The following WDR86 variants were observed in gnomAD, a reference collection of about 807,000 sequenced individuals.
WDR86 encodes the protein WD repeat-containing protein 86.
WDR86 carries 30 observed loss-of-function variants against 36.5 expected under a neutral mutation model. That is an observed-to-expected ratio of 0.82 (90% CI 0.61 to 1.11). WDR86 has a LOEUF of 1.11. WDR86 is among the 50% of genes most tolerant of loss of function. The probability of loss-of-function intolerance (pLI) is 0.00; values close to 1 mark genes in which losing one functional copy is unlikely to be tolerated. For synonymous variants in WDR86, 255 were observed against 252.9 expected, an observed-to-expected ratio of 1.01 and a Z score of -0.08; for missense variants, 545 against 561.2, an observed-to-expected ratio of 0.97 and a Z score of 0.29.
chr7:151,378,792 G>A (rs567648976), downstream of WDR86, among the ~76,000 whole-genome samples: 9 of 152,310 alleles, frequency 5.9e-5, no homozygotes, highest in Admixed American at 1.3e-4. Context: ...CTAACAAATC[G>A]CTGTCCTGCG....
chr7:151,405,171 T>C lies in WDR86; in HGVS notation c.163+4256A>G, dbSNP rs1385108587. ...CATCTGCATGGACTTCACAGTGGGC[T>C]CACTCTTATCTAAGACTCCCATTGG... On this transcript the variant is annotated intron_variant, in intron 1 of 5. Transcript: ENST00000334493. The surrounding 1 kb of genome is among the most constrained non-coding windows in gnomAD (Gnocchi z 4.7). 6.6e-6 allele frequency among the ~76,000 whole-genome samples: 1 copy of C among 152,072 alleles called. No homozygotes were observed. The highest frequency in any genetic ancestry group is 2.4e-5 in the African/African-American group (1 of 41,402).
intron 3 of WDR86, among the ~76,000 whole-genome samples, chr7:151,386,698 C>T (rs372736790): frequency 1.3e-5 from 2 of 152,150 alleles, no homozygotes; most frequent in Admixed American, 6.5e-5. Context: ...CTGAGCCTGC[C>T]GGGCACACAG....
chr7:151,402,966 T>G (rs1199664051), intron 1 of WDR86, among the ~76,000 whole-genome samples: 1 of 152,152 alleles, frequency 6.6e-6, no homozygotes, highest in African/African-American at 2.4e-5. Context: ...CCATCAGGGA[T>G]TAGTTCCAGG....
chr7:151,394,224 A>G (rs1421523734), intron 3 of WDR86, among the ~76,000 whole-genome samples: 3 of 152,136 alleles, frequency 2.0e-5, no homozygotes, highest in African/African-American at 4.8e-5. Context: ...AGTTAGAGAC[A>G]TGGGGTTTAC....
chr7:151,380,694 C>G (rs1282446847), downstream of WDR86, among the ~76,000 whole-genome samples: 2 of 152,014 alleles, frequency 1.3e-5, no homozygotes, highest in Non-Finnish European at 2.9e-5. Flanking sequence ...CCCTTGGGTG[C>G]CCGGTGGCTC....
rs1798565640 is a variant in WDR86, at chr7:151,381,557, T to TG, written c.*24dup. On this transcript the variant is annotated 3_prime_UTR_variant, in exon 6 of 6. Transcript: ENST00000334493. This position sits in a 1 kb window ranked among gnomAD's most constrained non-coding sequence, Gnocchi z 4.8. ...TCTGGGAGCCGCTGGGTGTCTGGGCTGGCGTCTGCAGGGGCCCCGCGGGAT... is the reference window on the plus strand; with the variant it reads ...TCTGGGAGCCGCTGGGTGTCTGGGCTGGGCGTCTGCAGGGGCCCCGCGGGAT... 1 of 1,383,554 alleles carries TG rather than the reference T, an allele frequency of 7.2e-7. No individual in the cohort carries two copies. 85.7% of individuals were successfully genotyped at this position (1,383,554 alleles called of 1,614,324 possible). A position where few individuals can be genotyped will look rare whatever the true frequency, so the allele number is the denominator to read the frequency against.
At chr7:151,377,234 C>A, downstream of WDR86, 1 of 1,507,902 alleles carries the variant, frequency 6.6e-7, no homozygotes, top group Admixed American at 2.2e-5. Context: ...AAATAATGAA[C>A]AGAAATAGCG....
Position 151,405,931 on chromosome 7 carries a change from CAGGA to C in WDR86, c.163+3492_163+3495del, listed in dbSNP as rs1456321355. ...CCTTCAGGCTGAGTCCCCTACTCAA[CAGGA>C]ACAGGATAGGATAGGTACTACCATT... On this transcript the variant is annotated intron_variant, in intron 1 of 5. Transcript: ENST00000334493. The surrounding 1 kb of genome is among the most constrained non-coding windows in gnomAD (Gnocchi z 4.7). Among the ~76,000 whole-genome samples, 4 of 152,152 alleles carry C rather than the reference CAGGA, an allele frequency of 2.6e-5. No individual in the cohort carries two copies. In the East Asian group the frequency reaches 7.7e-4, roughly 29 times the overall value.
Position 151,381,713 on chromosome 7 carries a change from C to A in WDR86, c.1000G>T (p.Asp334Tyr). 1 of 1,496,154 alleles carries A rather than the reference C, an allele frequency of 6.7e-7. No individual in the cohort carries two copies. Among genetic ancestry groups the A allele is most frequent in the Non-Finnish European group, 8.9e-7 (1 of 1,128,646 alleles). 92.7% of individuals were successfully genotyped at this position (1,496,154 alleles called of 1,614,324 possible). Residue 334 changes from aspartate (D) to tyrosine (Y), a missense_variant, in exon 6 of 6, where the codon GAC becomes TAC. Physicochemically the swap from Asp to Tyr is radical, Grantham distance 160. Coordinates refer to ENST00000334493, the MANE Select transcript of WDR86 (RefSeq NM_198285.3). This position sits in a 1 kb window ranked among gnomAD's most constrained non-coding sequence, Gnocchi z 4.8. ...HGQVLYTASH[D>Y]GALRLWDVRG... ...ACGTCCCAGAGGCGCAGGGCGCCGT[C>A]GTGCGAGGCGGTGTAGAGCACCTGG...
downstream of WDR86, chr7:151,377,209 C>G: frequency 6.5e-7 from 1 of 1,546,298 alleles, no homozygotes; most frequent in Non-Finnish European, 8.7e-7. Context: ...AGGAAGTCAG[C>G]AACAAAGAAA....
Position 151,401,740 on chromosome 7 carries a change from C to T in WDR86, c.164-1499G>A, listed in dbSNP as rs1434492640. 2.6e-5 allele frequency among the ~76,000 whole-genome samples: 4 copies of T among 151,818 alleles called. No homozygotes were observed. The highest frequency in any genetic ancestry group is 2.0e-4 in the Admixed American group (3 of 15,234). ...GACTGGGGAGATTATCCTAGATTAT[C>T]CGGGGGGTCCTAAATACAACCGCAA... On this transcript the variant is annotated intron_variant, in intron 1 of 5. Coordinates refer to ENST00000334493, the MANE Select transcript of WDR86 (RefSeq NM_198285.3). This position sits in a 1 kb window ranked among gnomAD's most constrained non-coding sequence, Gnocchi z 4.3.
At chr7:151,391,678 G>A (rs1378078772) in intron 3 of WDR86, among the ~76,000 whole-genome samples, 1 of 152,144 alleles carries the variant, frequency 6.6e-6, no homozygotes, top group East Asian at 1.9e-4. Context: ...TCTTAAACAT[G>A]GGCAATGTTA....
Position 151,397,190 on chromosome 7 carries a change from C to T in WDR86, c.306-994G>A, listed in dbSNP as rs142508037. Among the ~76,000 whole-genome samples, 124 of 152,342 alleles carry T rather than the reference C, an allele frequency of 8.1e-4. No homozygotes were observed. The East Asian group carries it at 0.021, about 26-fold the overall frequency. The stretch of plus-strand genomic sequence containing the variant: ...GTGGGACCCTCCTGAATCAGGACCA[C>T]GGCCGGCCCTGCTGCTCCTCCCGTC... On this transcript the variant is annotated intron_variant, in intron 2 of 5. Coordinates refer to ENST00000334493, the MANE Select transcript of WDR86 (RefSeq NM_198285.3).
intron 2 of WDR86, among the ~76,000 whole-genome samples, chr7:151,398,554 C>T (rs979957963): frequency 2.1e-5 from 3 of 145,716 alleles, no homozygotes; most frequent in African/African-American, 5.2e-5. Flanking sequence ...TGTGTATGCA[C>T]GTGTATATGT....
the WDR86 span, among the ~76,000 whole-genome samples, chr7:151,369,354 C>T: frequency 2.6e-5 from 4 of 152,158 alleles, no homozygotes; most frequent in Non-Finnish European, 4.4e-5. Flanking sequence ...GCTGCAGTCT[C>T]CTTAGTTTTG....
chr7:151,376,378 G>GCGCC, downstream of WDR86: 1 of 516,582 alleles, frequency 1.9e-6, no homozygotes, highest in Non-Finnish European at 3.5e-6. Flanking sequence ...GGCTGGTGTG[G>GCGCC]CGCCCTGCTC....
At chr7:151,393,303 C>T (rs972339413) in intron 3 of WDR86, among the ~76,000 whole-genome samples, 2 of 152,186 alleles carry the variant, frequency 1.3e-5, no homozygotes, top group South Asian at 2.1e-4. Flanking sequence ...TGTGTGTGCA[C>T]ACAGGTGTGT....
intron 2 of WDR86, among the ~76,000 whole-genome samples, chr7:151,398,444 TGA>T (rs1409330986): frequency 1.3e-5 from 2 of 151,562 alleles, no homozygotes; most frequent in South Asian, 4.2e-4. Context: ...AAGTTGTGTA[TGA>T]GTGTATGTGT....
At chr7:151,403,278 C>T (rs1800468607) in intron 1 of WDR86, among the ~76,000 whole-genome samples, 1 of 152,244 alleles carries the variant, frequency 6.6e-6, no homozygotes, top group East Asian at 1.9e-4. Flanking sequence ...TTGAGGAACT[C>T]GGGGACCAGG....
Sources: allele counts gnomAD v4.1 joint callset (sites outside exome capture counted in the v4.1 genomes callset), GRCh38; gene constraint gnomAD v4.1.1; non-coding constraint Gnocchi (gnomAD v3.1); transcripts MANE v1.5; gene names NCBI Gene and HGNC (gene_info 2026-07-23, HGNC 2026-07-21).